JAG1: variants seen among roughly 807,000 people sequenced by gnomAD.
JAG1 encodes the protein protein jagged-1.
A neutral mutation model predicts 148.7 loss-of-function variants in JAG1; 23 were observed. The ratio of observed to expected loss-of-function variants is 0.15; its 90% CI spans 0.11 to 0.22. The LOEUF (loss-of-function observed/expected upper bound fraction) is 0.22, where lower values mean the gene tolerates loss of function less well. JAG1 is among the 10% of genes least tolerant of loss of function. JAG1 has a pLI of 1.00. For synonymous variants in JAG1, 572 were observed against 598.3 expected, an observed-to-expected ratio of 0.96 and a Z score of 0.64; for missense variants, 1,054 against 1,611.2, an observed-to-expected ratio of 0.65 and a Z score of 5.92.
At position 10,645,108 on chromosome 20, in the gene JAG1, G is replaced by A; in HGVS notation, c.2227+35C>T. The A allele has an allele frequency of 6.4e-7, 1 of 1,562,640 alleles. No individual in the cohort carries two copies. The highest frequency in any genetic ancestry group is 8.8e-7 in the Non-Finnish European group (1 of 1,133,024). On this transcript the variant is annotated intron_variant, in intron 17 of 25. Coordinates refer to ENST00000254958, the MANE Select transcript of JAG1 (RefSeq NM_000214.3). This position sits in a 1 kb window ranked among gnomAD's most constrained non-coding sequence, Gnocchi z 6.1. ...CCAGCAGACACGCCCAGGTGGCCAT[G>A]CCCACTGCAGATCCCACGTGGGGCA...
chr20:10,665,125 G>A (rs6133986), intron 2 of JAG1, among the ~76,000 whole-genome samples: 15,427 of 152,118 alleles, frequency 0.1, 852 homozygotes, highest in South Asian at 0.12. Context: ...AAATAATACC[G>A]TGCTGTGCCA....
chr20:10,644,274 T>TCTCACACA (rs1568793527), intron 19 of JAG1, 83 bp downstream of exon 19: 1 of 688,312 alleles, frequency 1.5e-6, no homozygotes, highest in East Asian at 3.2e-5. Context: ...CCTGGGTGAT[T>TCTCACACA]CTCACACACA....
chr20:10,654,329 TAA>T (rs2067365113), intron 5 of JAG1, among the ~76,000 whole-genome samples: 1 of 152,164 alleles, frequency 6.6e-6, no homozygotes, highest in African/African-American at 2.4e-5. Flanking sequence ...ATACTGACCC[TAA>T]AAGAGGCACC....
chr20:10,639,210 C>T lies in JAG1; in HGVS notation c.*288G>A. The T allele has an allele frequency of 2.1e-6, 1 of 465,592 alleles. No homozygotes were observed. Among genetic ancestry groups the T allele is most frequent in the South Asian group, 2.1e-5 (1 of 47,776 alleles). 28.8% of individuals were successfully genotyped at this position (465,592 alleles called of 1,614,324 possible). A position where few individuals can be genotyped will look rare whatever the true frequency, so the allele number is the denominator to read the frequency against. ...TCTGGCAGAAGTGGGAGCTCAAAGACCAGGGGGCTGGGCAGGCTCCTGGGA... is the reference window on the plus strand; with the variant it reads ...TCTGGCAGAAGTGGGAGCTCAAAGATCAGGGGGCTGGGCAGGCTCCTGGGA... On this transcript the variant is annotated 3_prime_UTR_variant, in exon 26 of 26. Transcript: ENST00000254958.
At position 10,673,280 on chromosome 20, in the gene JAG1, G is replaced by T. The variant is rs566820751; in HGVS notation, c.81+170C>A. 1.3e-5 allele frequency among the ~76,000 whole-genome samples: 2 copies of T among 152,188 alleles called. No homozygotes were observed. The highest frequency in any genetic ancestry group is 1.5e-5 in the Non-Finnish European group (1 of 68,012). ...GAGGGGTCACCCTCAGGAGGCAGGG[G>T]CTCCCGTGGGGGAGTTGGCGCGCTC... On this transcript the variant is annotated intron_variant, in intron 1 of 25. Coordinates refer to ENST00000254958, the MANE Select transcript of JAG1 (RefSeq NM_000214.3). The surrounding 1 kb of genome is among the most constrained non-coding windows in gnomAD (Gnocchi z 4.7).
Position 10,644,372 on chromosome 20 carries a change from C to T in JAG1, c.2357G>A (p.Cys786Tyr). The T allele has an allele frequency of 6.2e-7, 1 of 1,612,990 alleles. No homozygotes were observed. Among genetic ancestry groups the T allele is most frequent in the Non-Finnish European group, 8.5e-7 (1 of 1,179,278 alleles). ...TCACACTTACCAGGGATGAGGGCTGCAGTCATTGGTATCTGCAAAGAAAAG... is the reference window on the plus strand; with the variant it reads ...TCACACTTACCAGGGATGAGGGCTGTAGTCATTGGTATCTGCAAAGAAAAG... ...GPICAQNTND[C>Y]SPHPCYNSGT... The change falls in exon 19 of 26, where the codon TGC becomes TAC. Residue 786 changes from cysteine to tyrosine, a missense_variant. By Grantham distance (194) the Cys-to-Tyr change is radical. Coordinates refer to ENST00000254958, the MANE Select transcript of JAG1 (RefSeq NM_000214.3).
Position 10,652,111 on chromosome 20 carries a change from A to G in JAG1, c.1006+20T>C. The G allele has an allele frequency of 6.2e-7, 1 of 1,613,732 alleles. No individual in the cohort carries two copies. On this transcript the variant is annotated intron_variant, in intron 7 of 25. Coordinates refer to ENST00000254958, the MANE Select transcript of JAG1 (RefSeq NM_000214.3). ...CAGAAAAATTAGACAAAGGGCTCTC[A>G]TTCATCTTGGACCACTTACCAATTT...
Position 10,646,982 on chromosome 20 carries a change from G to A in JAG1, c.1842C>T (p.Thr614=). The change falls in exon 14 of 26, where the codon ACC becomes ACT. Residue 614 remains threonine, a synonymous_variant. Transcript: ENST00000254958. ...CCGTGAAGCCTTTGTTACAGTCACA[G>A]GTGAATTTGCCTCCCGACTGACTCT... ...KCKSQSGGKF[T]CDCNKGFTGT... 2 of 1,614,186 alleles carry A rather than the reference G, an allele frequency of 1.2e-6. No individual in the cohort carries two copies. The highest frequency in any genetic ancestry group is 8.5e-7 in the Non-Finnish European group (1 of 1,180,026).
At chr20:10,663,472 A>G (rs925809497) in intron 3 of JAG1, among the ~76,000 whole-genome samples, 4 of 152,224 alleles carry the variant, frequency 2.6e-5, no homozygotes, top group Admixed American at 6.5e-5. Context: ...TTGCGCTTCA[A>G]TGAAAGGTTT....
intron 5 of JAG1, among the ~76,000 whole-genome samples, chr20:10,654,224 GACCCA>G (rs1359087712): frequency 6.6e-6 from 1 of 152,112 alleles, no homozygotes; most frequent in Non-Finnish European, 1.5e-5. Context: ...GGCAGCTGAG[GACCCA>G]ACCTCACCTA....
At chr20:10,656,187 G>A (rs958426153) in intron 5 of JAG1, among the ~76,000 whole-genome samples, 18 of 152,160 alleles carry the variant, frequency 1.2e-4, no homozygotes, top group African/African-American at 4.1e-4. Flanking sequence ...TGCCCAAAGA[G>A]TTTCTTTTTA....
chr20:10,643,121 GCCCCCAT>G (rs1232709934), intron 20 of JAG1, among the ~76,000 whole-genome samples: 2 of 152,220 alleles, frequency 1.3e-5, no homozygotes, highest in Non-Finnish European at 2.9e-5. Flanking sequence ...GATACAACCT[GCCCCCAT>G]CTAGTGCTGA....
chr20:10,648,207 G>T, intron 12 of JAG1, 97 bp from the exon 13 acceptor site: 1 of 1,406,066 alleles, frequency 7.1e-7, no homozygotes, highest in Non-Finnish European at 1.0e-6. Flanking sequence ...GAATCTGACA[G>T]TTCCTTCGGT....
chr20:10,671,014 ACT>A (rs1200731075), intron 2 of JAG1, among the ~76,000 whole-genome samples: 6 of 152,022 alleles, frequency 3.9e-5, no homozygotes, highest in Non-Finnish European at 5.9e-5. Context: ...CTCTGACCCT[ACT>A]CTCCAAAATG....
chr20:10,669,227 C>T (rs2067478049), intron 2 of JAG1, among the ~76,000 whole-genome samples: 1 of 152,100 alleles, frequency 6.6e-6, no homozygotes, highest in Non-Finnish European at 1.5e-5. Context: ...TCTCCACATG[C>T]AGAAAGTCCC....
At chr20:10,644,013 TC>T in intron 19 of JAG1, 150 bp from the exon 20 acceptor site, 1 of 726,628 alleles carries the variant, frequency 1.4e-6, no homozygotes, top group Non-Finnish European at 2.5e-6. Flanking sequence ...GATGCCTGGG[TC>T]CCACCCCCAG....
rs772086364 is a variant in JAG1 at position 10,673,054 on chromosome 20, C to T, written c.82-48G>A. The T allele has an allele frequency of 1.9e-6, 3 of 1,574,384 alleles. No homozygotes were observed. The Admixed American group carries it at 5.0e-5, about 26-fold the overall frequency. On this transcript the variant is annotated intron_variant, in intron 1 of 25. Transcript: ENST00000254958. This position sits in a 1 kb window ranked among gnomAD's most constrained non-coding sequence, Gnocchi z 4.7. The stretch of plus-strand genomic sequence containing the variant: ...GGTCAGCGCGGGAGAAAGCTGTTTT[C>T]TTCGAGTATAGAGGTGGCGACTCCC...
chr20:10,651,251 A>T (rs955611344), intron 8 of JAG1: 2 of 284,986 alleles, frequency 7.0e-6, no homozygotes, highest in South Asian at 9.8e-5. Flanking sequence ...GTAAGTGACA[A>T]CCTCCCCTGA....
Position 10,639,857 on chromosome 20 carries a change from C to CCGGCTTCCG in JAG1, c.3289_3297dup (p.Arg1097_Pro1099dup). 1 of 1,614,086 alleles carries CCGGCTTCCG rather than the reference C, an allele frequency of 6.2e-7. No individual in the cohort carries two copies. Among genetic ancestry groups the CCGGCTTCCG allele is most frequent in the South Asian group, 1.1e-5 (1 of 91,082 alleles). ...TCAGAGGCTGAGTGTGTGTGGCTGC[C>CCGGCTTCCG]CGGCTTCCGCCGCTTCCGCAGGCAC... On this transcript the variant is annotated inframe_insertion, in exon 26 of 26. Transcript: ENST00000254958.
Sources: allele counts gnomAD v4.1 joint callset (sites outside exome capture counted in the v4.1 genomes callset), GRCh38; gene constraint gnomAD v4.1.1; non-coding constraint Gnocchi (gnomAD v3.1); transcripts MANE v1.5; gene names NCBI Gene and HGNC (gene_info 2026-07-23, HGNC 2026-07-21).